Variants in MSH6 observed in about 807,000 individuals in gnomAD.
MSH6 encodes the protein DNA mismatch repair protein Msh6.
Under a neutral mutation model 119.1 loss-of-function variants are expected in MSH6, and 85 were observed. That is an observed-to-expected ratio of 0.71 (90% CI 0.60 to 0.85). MSH6 has a LOEUF of 0.85. Among genes scored for constraint, MSH6 ranks in the 40% least tolerant of loss-of-function variants. MSH6 has a pLI of 0.00. For missense variants in MSH6, 2,163 were observed against 1,655.3 expected, an observed-to-expected ratio of 1.31 and a Z score of -5.32; for synonymous variants, 830 against 586.9, an observed-to-expected ratio of 1.41 and a Z score of -5.99.
intron 4 of MSH6, among the ~76,000 whole-genome samples, chr2:47,801,553 G>T (rs975702293): frequency 1.3e-5 from 2 of 151,762 alleles, no homozygotes; most frequent in Non-Finnish European, 2.9e-5. Context: ...TGTTTGTAGA[G>T]AGATGGGGTC....
rs1553331257 is a variant in MSH6 at position 47,803,434 on chromosome 2, C to T, written c.3187C>T (p.Leu1063=). Residue 1063 remains leucine, a synonymous_variant, in exon 5 of 10, where the codon CTG becomes TTG. Coordinates refer to ENST00000234420, the MANE Select transcript of MSH6 (RefSeq NM_000179.3). ...CIAVLDVLLC[L]ANYSRGGDGP... The stretch of plus-strand genomic sequence containing the variant: ...TCTTTTAACAGATGTTTTACTGTGC[C>T]TGGCTAACTATAGTCGAGGGGGTGA... 1.9e-6 allele frequency: 3 copies of T among 1,614,150 alleles called. No individual in the cohort carries two copies. The highest frequency in any genetic ancestry group is 4.5e-5 in the East Asian group (2 of 44,884).
At chr2:47,803,356 A>G (rs1019087971) in intron 4 of MSH6, 64 bp from the exon 5 acceptor site, 27 of 1,606,688 alleles carry the variant, frequency 1.7e-5, no homozygotes, top group Middle Eastern at 3.3e-4. Flanking sequence ...GAAGACCTAT[A>G]AAACACTTAG....
At chr2:47,802,844 A>C (rs993108766) in intron 4 of MSH6, among the ~76,000 whole-genome samples, 3 of 152,250 alleles carry the variant, frequency 2.0e-5, no homozygotes, top group Admixed American at 2.0e-4. Flanking sequence ...TTTTCATATC[A>C]GTGTGCCAAC....
chr2:47,785,427 G>A (rs1406244501), intron 1 of MSH6, among the ~76,000 whole-genome samples: 1 of 151,544 alleles, frequency 6.6e-6, no homozygotes, highest in Admixed American at 6.6e-5. Flanking sequence ...ATGTTGGCCA[G>A]GCTGGTCTTG....
downstream of MSH6, chr2:47,807,398 G>T (rs1670294094): frequency 4.8e-6 from 1 of 206,952 alleles, no homozygotes; most frequent in Non-Finnish European, 9.9e-6. Context: ...TTCTAGGGGT[G>T]ATTTTGAATG....
At chr2:47,789,724 C>T (rs1008081738) in intron 1 of MSH6, among the ~76,000 whole-genome samples, 1 of 152,184 alleles carries the variant, frequency 6.6e-6, no homozygotes, top group African/African-American at 2.4e-5. Flanking sequence ...ATAACCTATA[C>T]ACATCTTCCC....
At chr2:47,785,611 A>T (rs767928845) in intron 1 of MSH6, among the ~76,000 whole-genome samples, 1 of 152,236 alleles carries the variant, frequency 6.6e-6, no homozygotes, top group Non-Finnish European at 1.5e-5. Context: ...AAGTGTAATT[A>T]TAGTGTTACC....
At position 47,795,938 on chromosome 2, in the gene MSH6, G is replaced by A. The variant is rs1333393611; in HGVS notation, c.502G>A (p.Ala168Thr). ...CCAGAAGGGAGGTCATTTTTACAGT[G>A]CAAAGCCTGAAATACTGAGAGCAAT... is the stretch of plus-strand genomic sequence containing the variant. ...EAQKGGHFYS[A>T]KPEILRAMQR... The change falls in exon 3 of 10, where the codon GCA (alanine) becomes ACA (threonine). Residue 168 changes from alanine to threonine, a missense_variant. Physicochemically the swap from Ala to Thr is moderately conservative, Grantham distance 58 (BLOSUM62 0). Coordinates refer to ENST00000234420, the MANE Select transcript of MSH6 (RefSeq NM_000179.3). 6.2e-7 allele frequency: 1 copy of A among 1,614,104 alleles called. No homozygotes were observed. The highest frequency in any genetic ancestry group is 1.1e-5 in the South Asian group (1 of 91,082).
chr2:47,793,235 C>T (rs866928258), intron 2 of MSH6, among the ~76,000 whole-genome samples: 3 of 142,902 alleles, frequency 2.1e-5, no homozygotes, highest in African/African-American at 7.8e-5. Flanking sequence ...GCAAGAGAAT[C>T]GCTTGAATCT....
chr2:47,799,117 A>G lies in MSH6; in HGVS notation c.1134A>G (p.Arg378=), dbSNP rs878853700. ...TAGAATGGCTTAAGGAGGAAAAGAG[A>G]AGAGATGAGCACAGGAGGAGGCCTG... ...ETLEWLKEEK[R]RDEHRRRPDH... The change falls in exon 4 of 10, where the codon AGA becomes AGG. Residue 378 remains arginine, a synonymous_variant. Transcript: ENST00000234420. 1 of 1,614,134 alleles carries G rather than the reference A, an allele frequency of 6.2e-7. No homozygotes were observed. The highest frequency in any genetic ancestry group is 8.5e-7 in the Non-Finnish European group (1 of 1,180,012).
chr2:47,798,356 G>A (rs1216661635), intron 3 of MSH6, among the ~76,000 whole-genome samples: 1 of 152,194 alleles, frequency 6.6e-6, no homozygotes, highest in Non-Finnish European at 1.5e-5. Flanking sequence ...TAGCTTGGGC[G>A]TAGCCTAACC....
At position 47,800,939 on chromosome 2, in the gene MSH6, A is replaced by G. The variant is rs1553414327; in HGVS notation, c.2956A>G (p.Thr986Ala). The change falls in exon 4 of 10, where the codon ACC becomes GCC. Residue 986 changes from threonine (T) to alanine (A), a missense_variant. By Grantham distance (58) the Thr-to-Ala change is moderately conservative. Coordinates refer to ENST00000234420, the MANE Select transcript of MSH6 (RefSeq NM_000179.3). ...CCAGCTGGAAATTCCTGAGAATTTC[A>G]CCACTCGCAATTTGCCAGAAGAATA... ...RYQLEIPENF[T>A]TRNLPEEYEL... The G allele has an allele frequency of 7.0e-6, 11 of 1,575,708 alleles. No individual in the cohort carries two copies. The highest frequency in any genetic ancestry group is 1.2e-5 in the South Asian group (1 of 84,588).
At position 47,792,045 on chromosome 2, in the gene MSH6, C is replaced by T. The variant is rs1049069141; in HGVS notation, c.457+922C>T. 3.9e-5 allele frequency among the ~76,000 whole-genome samples: 6 copies of T among 152,254 alleles called. No individual in the cohort carries two copies. The South Asian group carries it at 1.2e-3, about 32-fold the overall frequency. On this transcript the variant is annotated intron_variant, in intron 2 of 9. Coordinates refer to ENST00000234420, the MANE Select transcript of MSH6 (RefSeq NM_000179.3). ...ATTTCTAGTAGAGATGGGGTTTCAC[C>T]ATGTTGGCCAAGCTGGTCTTGAACT...
downstream of MSH6, chr2:47,808,713 C>T (rs963980942): frequency 2.1e-5 from 7 of 335,632 alleles, no homozygotes; most frequent in South Asian, 7.6e-5. Context: ...TTTTTGGAGG[C>T]GTGAAGAGTC....
chr2:47,791,187 A>G, intron 2 of MSH6, 64 bp downstream of exon 2: 1 of 1,466,372 alleles, frequency 6.8e-7, no homozygotes, highest in African/African-American at 1.4e-5. Flanking sequence ...AGAGAAACAG[A>G]CAGACAGGCA....
rs1060502935 is a variant in MSH6, at chr2:47,799,967, A to T, written c.1984A>T (p.Met662Leu). Residue 662 changes from methionine (M) to leucine (L), a missense_variant, in exon 4 of 10, where the codon ATG becomes TTG. Met to Leu is a conservative substitution (Grantham distance 15). Transcript: ENST00000234420. ...GVMLPQVLKG[M>L]TSESDSIGLT... ...GATGTTACCCCAGGTGCTTAAAGGT[A>T]TGACTTCAGAGTCTGATTCCATTGG... The T allele has an allele frequency of 6.2e-7, 1 of 1,614,154 alleles. No individual in the cohort carries two copies. The highest frequency in any genetic ancestry group is 8.5e-7 in the Non-Finnish European group (1 of 1,180,034).
Position 47,805,004 on chromosome 2 carries a change from G to A in MSH6, c.3533G>A (p.Gly1178Asp), listed in dbSNP as rs772380953. Residue 1178 changes from glycine (G) to aspartate (D), a missense_variant, in exon 6 of 10, where the codon GGT becomes GAT. Gly to Asp is a moderately conservative substitution (Grantham distance 94). Transcript: ENST00000234420. ...TPIDRVFTRL[G>D]ASDRIMSGES... ...ATTGATAGAGTGTTTACTAGACTTG[G>A]TGCCTCAGACAGAATAATGTCAGGT... The A allele has an allele frequency of 2.5e-6, 4 of 1,613,656 alleles. No individual in the cohort carries two copies. The highest frequency in any genetic ancestry group is 3.4e-6 in the Non-Finnish European group (4 of 1,179,620).
At chr2:47,785,913 G>C (rs1191672310) in intron 1 of MSH6, among the ~76,000 whole-genome samples, 1 of 152,214 alleles carries the variant, frequency 6.6e-6, no homozygotes, top group Non-Finnish European at 1.5e-5. Context: ...GTTATGGAGA[G>C]GATTCCAGGG....
intron 6 of MSH6, 48 bp downstream of exon 6, chr2:47,805,075 T>C: frequency 8.0e-7 from 1 of 1,252,984 alleles, no homozygotes; most frequent in Non-Finnish European, 1.2e-6. Flanking sequence ...CATTTAGATG[T>C]GATAAAAGAT....
Sources: allele counts gnomAD v4.1 joint callset (sites outside exome capture counted in the v4.1 genomes callset), GRCh38; gene constraint gnomAD v4.1.1; transcripts MANE v1.5; gene names NCBI Gene and HGNC (gene_info 2026-07-23, HGNC 2026-07-21).